Variants in TBC1D22A observed in about 807,000 individuals in gnomAD.
The protein encoded by TBC1D22A is TBC1 domain family member 22A.
TBC1D22A carries 38 observed loss-of-function variants against 60.2 expected under a neutral mutation model. The observed-to-expected ratio is 0.63, with a 90% CI of 0.49 to 0.83. The LOEUF is 0.83. Ranked by LOEUF, TBC1D22A falls within the 40% of genes least tolerant of loss-of-function variation. TBC1D22A has a pLI of 0.00. For missense variants in TBC1D22A, 628 were observed against 701.0 expected, an observed-to-expected ratio of 0.90 and a Z score of 1.18; for synonymous variants, 302 against 281.7, an observed-to-expected ratio of 1.07 and a Z score of -0.72.
intron 7 of TBC1D22A, among the ~76,000 whole-genome samples, chr22:46,895,193 G>A (rs1051665912): frequency 6.6e-6 from 1 of 151,996 alleles, no homozygotes; most frequent in Non-Finnish European, 1.5e-5. Context: ...CACCAAGGCC[G>A]CTTGTGTATC....
In TBC1D22A at chr22:47,140,566, A is replaced by AAAAG. The variant is rs546151541; in HGVS notation, c.1425+28983_1425+28986dup. ...GAGACTCTGTCTCAAAAAAAAAAAA[A>AAAAG]AAAGAAAGAAAGAAAGAAAGAAAAT... On this transcript the variant is annotated intron_variant, in intron 12 of 12. Transcript: ENST00000337137. 7.1e-3 allele frequency among the ~76,000 whole-genome samples: 1,063 copies of AAAAG among 150,688 alleles called. 9 individuals are homozygous for AAAAG. Among genetic ancestry groups the AAAAG allele is most frequent in the Middle Eastern group, 0.014 (4 of 290 alleles).
At chr22:46,897,640 G>GTTTTTTTGTTTTT (rs1569189469) in intron 7 of TBC1D22A, among the ~76,000 whole-genome samples, 10 of 108,390 alleles carry the variant, frequency 9.2e-5, no homozygotes, top group African/African-American at 3.8e-4. Context: ...GTTTCGTTTT[G>GTTTTTTTGTTTTT]TTTTTTTTTG....
At chr22:46,790,285 C>A (rs531208814) in intron 1 of TBC1D22A, among the ~76,000 whole-genome samples, 1 of 152,384 alleles carries the variant, frequency 6.6e-6, no homozygotes, top group African/African-American at 2.4e-5. Flanking sequence ...GTGTGACCTT[C>A]CGCGGTCTCT....
At chr22:47,036,944 G>C in intron 10 of TBC1D22A, 127 bp from the exon 11 acceptor site, 1 of 1,092,586 alleles carries the variant, frequency 9.2e-7, no homozygotes, top group Admixed American at 2.2e-5. Flanking sequence ...GGGGGTTGTT[G>C]CTTGGGATTC....
intron 4 of TBC1D22A, among the ~76,000 whole-genome samples, chr22:46,828,151 C>T (rs562819286): frequency 1.6e-3 from 249 of 152,250 alleles, no homozygotes; most frequent in Non-Finnish European, 1.7e-3. Flanking sequence ...TCTGGTGCAG[C>T]GTCAGGACTC....
At chr22:46,916,013 T>C in intron 8 of TBC1D22A, 1 of 459,798 alleles carries the variant, frequency 2.2e-6, no homozygotes, top group Non-Finnish European at 4.4e-6. Context: ...TCTGGAGAGA[T>C]GAGCTTTACC....
chr22:47,081,502 C>A (rs544155680), intron 11 of TBC1D22A, among the ~76,000 whole-genome samples: 51 of 152,188 alleles, frequency 3.4e-4, no homozygotes, highest in African/African-American at 1.2e-3. Flanking sequence ...GGCCTCCAGT[C>A]ACGAAAGTGA....
intron 4 of TBC1D22A, among the ~76,000 whole-genome samples, chr22:46,829,366 A>G (rs1030086552): frequency 6.6e-5 from 10 of 152,094 alleles, no homozygotes; most frequent in Non-Finnish European, 1.2e-4. Context: ...TATGTTGTGG[A>G]ACTCACCCCC....
At chr22:47,003,827 TACGC>T (rs140691167) in intron 10 of TBC1D22A, among the ~76,000 whole-genome samples, 3 of 80,882 alleles carry the variant, frequency 3.7e-5, no homozygotes, top group Admixed American at 1.3e-4. Context: ...CACATGCCTG[TACGC>T]ACACACCCTA....
At chr22:47,027,154 G>A (rs1231312272) in intron 10 of TBC1D22A, among the ~76,000 whole-genome samples, 1 of 152,098 alleles carries the variant, frequency 6.6e-6, no homozygotes. Context: ...GAAATTCAGT[G>A]GCAAAGCATA....
chr22:47,103,388 G>A (rs1287881359), intron 11 of TBC1D22A, among the ~76,000 whole-genome samples: 1 of 152,168 alleles, frequency 6.6e-6, no homozygotes, highest in African/African-American at 2.4e-5. Context: ...GAATGAATGG[G>A]TTTATCTAGG....
At chr22:46,847,849 A>G (rs1715726036) in intron 4 of TBC1D22A, among the ~76,000 whole-genome samples, 1 of 152,194 alleles carries the variant, frequency 6.6e-6, no homozygotes, top group Non-Finnish European at 1.5e-5. Flanking sequence ...ACTTTTATGT[A>G]AAACATCTAA....
At chr22:46,833,493 T>G (rs1266258883) in intron 4 of TBC1D22A, among the ~76,000 whole-genome samples, 1 of 152,238 alleles carries the variant, frequency 6.6e-6, no homozygotes, top group Non-Finnish European at 1.5e-5. Context: ...ATTCTTCTAC[T>G]GGGCTCAAGC....
intron 8 of TBC1D22A, 130 bp from the exon 9 acceptor site, chr22:46,974,160 A>C (rs1423715772): frequency 1.4e-6 from 1 of 694,078 alleles, no homozygotes; most frequent in African/African-American, 1.8e-5. Context: ...TGAGTCATTT[A>C]GCTAGACTGA....
chr22:46,827,994 A>T (rs116914314), intron 4 of TBC1D22A, among the ~76,000 whole-genome samples: 23 of 152,186 alleles, frequency 1.5e-4, no homozygotes, highest in African/African-American at 5.1e-4. Flanking sequence ...TGCGTCGTGC[A>T]GTGTAATTTC....
At chr22:47,004,090 C>A (rs988607699) in intron 10 of TBC1D22A, among the ~76,000 whole-genome samples, 1 of 149,984 alleles carries the variant, frequency 6.7e-6, no homozygotes, top group African/African-American at 2.5e-5. Context: ...TACACACACA[C>A]CCTCATATAC....
intron 10 of TBC1D22A, among the ~76,000 whole-genome samples, chr22:47,017,272 G>A (rs1408356910): frequency 3.3e-5 from 5 of 152,200 alleles, no homozygotes. Context: ...TGGGCGCATG[G>A]GAGGGCTAAG....
chr22:46,935,657 GTGCTA>G (rs2071606514), intron 8 of TBC1D22A, among the ~76,000 whole-genome samples: 1 of 152,220 alleles, frequency 6.6e-6, no homozygotes, highest in South Asian at 2.1e-4. Context: ...CTCTGCTGCT[GTGCTA>G]TGGGCCGTCT....
intron 8 of TBC1D22A, among the ~76,000 whole-genome samples, chr22:46,942,871 C>T (rs2072260184): frequency 6.6e-6 from 1 of 152,176 alleles, no homozygotes; most frequent in South Asian, 2.1e-4. Flanking sequence ...GATGAAGTAT[C>T]TGTATTTCAG....
Sources: allele counts gnomAD v4.1 joint callset (sites outside exome capture counted in the v4.1 genomes callset), GRCh38; gene constraint gnomAD v4.1.1; transcripts MANE v1.5; gene names NCBI Gene and HGNC (gene_info 2026-07-23, HGNC 2026-07-21).